The following PPP4R4 variants were observed in gnomAD, a reference collection of about 807,000 sequenced individuals.
The protein encoded by PPP4R4 is serine/threonine-protein phosphatase 4 regulatory subunit 4.
In PPP4R4, 70 loss-of-function variants were observed where a neutral mutation model predicts 121.8. The ratio of observed to expected loss-of-function variants is 0.57; its 90% CI spans 0.47 to 0.70. PPP4R4 has a LOEUF of 0.70. Ranked by LOEUF, PPP4R4 falls within the 30% of genes least tolerant of loss-of-function variation. The pLI is 0.00. For synonymous variants in PPP4R4, 348 were observed against 355.7 expected (o/e 0.98, Z 0.24); for missense variants, 875 against 1,033.6 (o/e 0.85, Z 2.10).
At chr14:94,208,696 A>G (rs552528985) in intron 3 of PPP4R4, 130 bp downstream of exon 3, 1 of 526,618 alleles carries the variant, frequency 1.9e-6, no homozygotes, top group East Asian at 3.1e-5. Context: ...AAGTGTTATT[A>G]TATACATTTT....
intron 2 of PPP4R4, among the ~76,000 whole-genome samples, chr14:94,204,139 T>A (rs573612662): frequency 6.6e-6 from 1 of 152,322 alleles, no homozygotes; most frequent in South Asian, 2.1e-4. Flanking sequence ...GCCCATGTTT[T>A]TCCTGACAGG....
chr14:94,265,571 A>C, intron 21 of PPP4R4, 98 bp downstream of exon 21: 6 of 1,071,926 alleles, frequency 5.6e-6, no homozygotes, highest in Non-Finnish European at 8.4e-6. Context: ...CAGTAGGATA[A>C]TATATCTCAT....
chr14:94,278,531 A>T, intron 24 of PPP4R4, 88 bp from the exon 25 acceptor site: 1 of 749,194 alleles, frequency 1.3e-6, no homozygotes, highest in Non-Finnish European at 2.1e-6. Flanking sequence ...TATATGAATA[A>T]CATTTTTCAT....
chr14:94,231,095 CAAAAT>C (rs960657978), intron 4 of PPP4R4, 142 bp from the exon 5 acceptor site: 2 of 645,656 alleles, frequency 3.1e-6, no homozygotes, highest in South Asian at 3.8e-5. Context: ...TTGACTGAGA[CAAAAT>C]AATAGAGAAA....
chr14:94,180,375 G>A (rs564038588), intron 2 of PPP4R4, among the ~76,000 whole-genome samples: 1 of 152,250 alleles, frequency 6.6e-6, no homozygotes, highest in East Asian at 1.9e-4. Flanking sequence ...CTGAGTAATA[G>A]TAAGGTCAGC....
chr14:94,257,480 T>C (rs1893536566), intron 17 of PPP4R4, among the ~76,000 whole-genome samples: 1 of 152,114 alleles, frequency 6.6e-6, no homozygotes, highest in Admixed American at 6.5e-5. Flanking sequence ...TTTTCTCTTT[T>C]TTTCTAGAAA....
intron 18 of PPP4R4, 118 bp from the exon 19 acceptor site, chr14:94,259,177 G>C (rs533236000): frequency 6.8e-7 from 1 of 1,467,176 alleles, no homozygotes; most frequent in South Asian, 1.4e-5. Flanking sequence ...GGAGCTACAA[G>C]ATGAAATTTG....
chr14:94,207,690 A>C (rs916200914), intron 2 of PPP4R4, among the ~76,000 whole-genome samples: 39 of 151,714 alleles, frequency 2.6e-4, no homozygotes, highest in African/African-American at 8.0e-4. Flanking sequence ...TTTTTGATAT[A>C]TATATCTATA....
chr14:94,206,323 C>T lies in PPP4R4; in HGVS notation c.192-2141C>T, dbSNP rs924841429. On this transcript the variant is annotated intron_variant, in intron 2 of 24. Transcript: ENST00000304338. ...TCACATTTCTATGATACATTATTTTCCATTCTTTATTTTCAACCACTGATA... is the reference window on the plus strand; with the variant it reads ...TCACATTTCTATGATACATTATTTTTCATTCTTTATTTTCAACCACTGATA... Among the ~76,000 whole-genome samples the T allele has an allele frequency of 6.6e-5, 10 of 151,860 alleles. 1 individual carries two copies. The highest frequency in any genetic ancestry group is 3.3e-4 in the Admixed American group (5 of 15,218).
In PPP4R4 at chr14:94,230,647, A is replaced by G. The variant is rs140217121; in HGVS notation, c.355A>G (p.Ile119Val). 21 of 1,612,852 alleles carry G rather than the reference A, an allele frequency of 1.3e-5. No individual in the cohort carries two copies. The African/African-American group carries it at 2.8e-4, about 21-fold the overall frequency. Residue 119 changes from isoleucine (I) to valine (V), a missense_variant, in exon 4 of 25, where the codon ATT becomes GTT. By Grantham distance (29) the Ile-to-Val change is conservative. Transcript: ENST00000304338. ...QLTAAMSFLT[I>V]LQDESVSIHA... ...AACGGCTGCGATGTCATTTCTGACC[A>G]TTCTGCAGGACGAATCAGTGTCAAT... is the stretch of plus-strand genomic sequence containing the variant.
At chr14:94,274,131 C>T (rs926955000) in intron 23 of PPP4R4, among the ~76,000 whole-genome samples, 12 of 152,022 alleles carry the variant, frequency 7.9e-5, no homozygotes, top group East Asian at 1.9e-4. Context: ...AATCTCAAGT[C>T]TTATCACTAT....
chr14:94,256,707 T>A, intron 17 of PPP4R4, 103 bp downstream of exon 17: 1 of 1,167,254 alleles, frequency 8.6e-7, no homozygotes, highest in Non-Finnish European at 1.2e-6. Flanking sequence ...ATTACAATAT[T>A]TTTATCCTTG....
chr14:94,228,058 CT>C (rs1244786503), intron 3 of PPP4R4, among the ~76,000 whole-genome samples: 1 of 152,092 alleles, frequency 6.6e-6, no homozygotes, highest in Non-Finnish European at 1.5e-5. Flanking sequence ...ATGTAACTGA[CT>C]TTTGGTTGAA....
intron 2 of PPP4R4, among the ~76,000 whole-genome samples, chr14:94,182,675 T>C (rs1889055481): frequency 2.0e-5 from 3 of 152,234 alleles, no homozygotes; most frequent in South Asian, 4.1e-4. Context: ...CCACTGCTGA[T>C]GGACATTTGG....
chr14:94,277,436 T>C (rs1189562194), intron 24 of PPP4R4, among the ~76,000 whole-genome samples: 1 of 152,220 alleles, frequency 6.6e-6, no homozygotes, highest in Non-Finnish European at 1.5e-5. Context: ...TGCATGTCTG[T>C]CACATGACAG....
intron 3 of PPP4R4, among the ~76,000 whole-genome samples, chr14:94,218,732 A>T (rs1437404236): frequency 1.3e-5 from 1 of 78,476 alleles, no homozygotes; most frequent in Admixed American, 1.2e-4. Context: ...TAGACACCGC[A>T]CGTGCGCGCG....
rs547085387 is a variant in PPP4R4 at position 94,235,660 on chromosome 14, A to C, written c.731+991A>C. Among the ~76,000 whole-genome samples the C allele has an allele frequency of 2.0e-5, 3 of 151,770 alleles. No individual in the cohort carries two copies. In the East Asian group the frequency reaches 5.8e-4, roughly 30 times the overall value. ...GTGATCCGCCTGCCTCGGCCTCCCAAAGTGCTGGGATTACAGGTGTGAGCC... is the reference window on the plus strand; with the variant it reads ...GTGATCCGCCTGCCTCGGCCTCCCACAGTGCTGGGATTACAGGTGTGAGCC... On this transcript the variant is annotated intron_variant, in intron 7 of 24. Transcript: ENST00000304338.
intron 8 of PPP4R4, among the ~76,000 whole-genome samples, chr14:94,238,714 G>C (rs1892472888): frequency 6.6e-6 from 1 of 152,216 alleles, no homozygotes; most frequent in African/African-American, 2.4e-5. Context: ...CAAGTACTTA[G>C]GTACAGAATT....
At chr14:94,231,379 T>G (rs1161319341) in intron 5 of PPP4R4, 64 bp downstream of exon 5, 1 of 1,378,648 alleles carries the variant, frequency 7.3e-7, no homozygotes, top group Non-Finnish European at 1.0e-6. Flanking sequence ...TTTAAAAGGT[T>G]TCTTGTCAAA....
Sources: gnomAD v4.1 joint callset for allele counts (sites outside exome capture counted in the v4.1 genomes callset) on GRCh38, gnomAD v4.1.1 for gene constraint, MANE v1.5 for transcripts, NCBI Gene and HGNC (gene_info 2026-07-23, HGNC 2026-07-21) for gene names.